Variants in DHX16 observed in about 807,000 individuals in gnomAD.
DHX16 encodes DEAH-box helicase 16, also known as pre-mRNA-splicing factor ATP-dependent RNA helicase DHX16.
Under a neutral mutation model 131.2 loss-of-function variants are expected in DHX16, and 81 were observed. The ratio of observed to expected loss-of-function variants is 0.62; its 90% CI spans 0.52 to 0.74. The LOEUF (loss-of-function observed/expected upper bound fraction) is 0.74. DHX16 is among the 30% of genes least tolerant of loss of function. The probability of loss-of-function intolerance (pLI) is 0.00; values close to 1 mark genes in which losing one functional copy is unlikely to be tolerated. For missense variants in DHX16, 980 were observed against 1,363.1 expected (o/e 0.72, Z 4.43); for synonymous variants, 440 against 520.2 (o/e 0.85, Z 2.10).
rs374715852 is a variant in DHX16 at position 30,657,730 on chromosome 6, T to C, written c.2008-638A>G. 1.4e-4 allele frequency among the ~76,000 whole-genome samples: 21 copies of C among 152,192 alleles called. 3 individuals carry two copies. Among genetic ancestry groups the C allele is most frequent in the East Asian group, 9.7e-4 (5 of 5,174 alleles). ...ATTCCCTCTGTCTGGCATACTCTTC[T>C]CCCAGATATCAGCCTGGCTCCCTCC... On this transcript the variant is annotated intron_variant, in intron 12 of 19. Coordinates refer to ENST00000376442, the MANE Select transcript of DHX16 (RefSeq NM_003587.5).
At position 30,672,808 on chromosome 6, in the gene DHX16, G is replaced by C; in HGVS notation, c.34C>G (p.Gln12Glu). 1 of 1,612,948 alleles carries C rather than the reference G, an allele frequency of 6.2e-7. No individual in the cohort carries two copies. The highest frequency in any genetic ancestry group is 8.5e-7 in the Non-Finnish European group (1 of 1,180,016). ...CCCAACACCGAGTGCAGCTCGTCCT[G>C]AACCCAGCGCTCCAGACCCGCCGGC... is the stretch of plus-strand genomic sequence containing the variant. ...ATPAGLERWV[Q>E]DELHSVLGLS... The change falls in exon 1 of 20, where the codon CAG becomes GAG. Residue 12 changes from glutamine to glutamate, a missense_variant. Coordinates refer to ENST00000376442, the MANE Select transcript of DHX16 (RefSeq NM_003587.5).
At position 30,662,025 on chromosome 6, in the gene DHX16, C is replaced by T. The variant is rs1768564795; in HGVS notation, c.1544+602G>A. The T allele has an allele frequency of 1.6e-6, 1 of 618,566 alleles. No homozygotes were observed. The highest frequency in any genetic ancestry group is 2.9e-6 in the Non-Finnish European group (1 of 339,982). The allele number at this position is 618,566 out of a possible 1,614,324, so 38.3% of individuals were successfully genotyped here. On this transcript the variant is annotated intron_variant, in intron 9 of 19. Coordinates refer to ENST00000376442, the MANE Select transcript of DHX16 (RefSeq NM_003587.5). The surrounding 1 kb of genome is among the most constrained non-coding windows in gnomAD (Gnocchi z 4.7). ...CCCATTACATTCATGAATCCCTTTT[C>T]CCCCTCAACACATGTTCAACCAACC...
intron 19 of DHX16, among the ~76,000 whole-genome samples, chr6:30,653,616 T>TCTTGGCCTCCCAAAGTGCTACGATCCTGC (rs140329547): frequency 6.7e-6 from 1 of 150,258 alleles, no homozygotes; most frequent in Non-Finnish European, 1.5e-5. Context: ...CCTGGGCTGA[T>TCTTGGCCTCCCAAAGTGCTACGATCCTGC]CTTGGCCTCC....
At chr6:30,655,751 C>A (rs1256255361) in intron 16 of DHX16, among the ~76,000 whole-genome samples, 154 bp from the exon 17 acceptor site, 1 of 152,092 alleles carries the variant, frequency 6.6e-6, no homozygotes, top group African/African-American at 2.4e-5. Flanking sequence ...TAGATTCTGG[C>A]AGCAGCTTGG....
Position 30,657,043 on chromosome 6 carries a change from A to G in DHX16, c.2057T>C (p.Ile686Thr). Residue 686 changes from isoleucine to threonine, a missense_variant, in exon 13 of 20, where the codon ATC becomes ACC. Transcript: ENST00000376442. Reference sequence around the variant, plus strand: ...GAACCCTGGATCCAGCACATAAATGATGCCCTCAATGGTGAGTGATGTCTC... The same window carrying G: ...GAACCCTGGATCCAGCACATAAATGGTGCCCTCAATGGTGAGTGATGTCTC... ...IAETSLTIEG[I>T]IYVLDPGFCK... 6.2e-7 allele frequency: 1 copy of G among 1,613,058 alleles called. No individual in the cohort carries two copies. Among genetic ancestry groups the G allele is most frequent in the Non-Finnish European group, 8.5e-7 (1 of 1,180,008 alleles).
rs749523198 is a variant in DHX16 at position 30,672,833 on chromosome 6, C to T, written c.9G>A (p.Thr3=). The change falls in exon 1 of 20, where the codon ACG becomes ACA. Residue 3 remains threonine (T), a synonymous_variant. Coordinates refer to ENST00000376442, the MANE Select transcript of DHX16 (RefSeq NM_003587.5). ...GAACCCAGCGCTCCAGACCCGCCGGCGTCGCCATGGCGACTCACGCTCCCT... is the reference window on the plus strand; with the variant it reads ...GAACCCAGCGCTCCAGACCCGCCGGTGTCGCCATGGCGACTCACGCTCCCT... MA[T]PAGLERWVQD... is the part of the protein sequence containing the mutation. 2 of 1,612,482 alleles carry T rather than the reference C, an allele frequency of 1.2e-6. No individual in the cohort carries two copies. Among genetic ancestry groups the T allele is most frequent in the African/African-American group, 2.7e-5 (2 of 75,066 alleles).
intron 4 of DHX16, among the ~76,000 whole-genome samples, chr6:30,667,506 C>T (rs143911903): frequency 2.0e-5 from 3 of 150,222 alleles, no homozygotes; most frequent in Non-Finnish European, 2.9e-5. Context: ...GGCATGAACC[C>T]GGAAGGCAGA....
chr6:30,661,740 A>G (rs1257637481), intron 9 of DHX16: 1 of 715,672 alleles, frequency 1.4e-6, no homozygotes, highest in African/African-American at 1.8e-5. Context: ...CCTGACCTCA[A>G]CTCTTTGTGC....
Position 30,664,992 on chromosome 6 carries a change from C to T in DHX16, c.1126G>A (p.Glu376Lys), listed in dbSNP as rs760119478. ...GTTGAAGTGGGTGGAGCTGACGGCT[C>T]CTAAGGAAAGAGAAGGAGGTGTGAG... is the stretch of plus-strand genomic sequence containing the variant. ...VRATQLQGDEEPSAPPTSTQA... is the reference protein window; with the variant it reads ...VRATQLQGDEKPSAPPTSTQA... Residue 376 changes from glutamate (E) to lysine (K), a missense_variant and splice_region_variant, in exon 7 of 20, where the codon GAG becomes AAG. Physicochemically the swap from Glu to Lys is moderately conservative, Grantham distance 56. Around this residue, in one of 3 missense-constraint regions of DHX16, gnomAD observed 457 missense variants for 554.8 expected, o/e 0.82. Transcript: ENST00000376442. 1.2e-6 allele frequency: 2 copies of T among 1,613,832 alleles called. No homozygotes were observed. Among genetic ancestry groups the T allele is most frequent in the Admixed American group, 1.7e-5 (1 of 60,000 alleles).
chr6:30,660,447 C>A, intron 9 of DHX16: 1 of 440,284 alleles, frequency 2.3e-6, no homozygotes, highest in Admixed American at 3.9e-5. Context: ...TGATCTGCAA[C>A]CTATCCCAGC....
In DHX16 at chr6:30,662,008, A is replaced by T. The variant is rs543597855; in HGVS notation, c.1544+619T>A. 35 of 629,232 alleles carry T rather than the reference A, an allele frequency of 5.6e-5. No homozygotes were observed. The South Asian group carries it at 6.2e-4, about 11-fold the overall frequency. The allele number at this position is 629,232 out of a possible 1,614,324, so 39.0% of individuals were successfully genotyped here. A position where few individuals can be genotyped will look rare whatever the true frequency, so the allele number is the denominator to read the frequency against. On this transcript the variant is annotated intron_variant, in intron 9 of 19. Transcript: ENST00000376442. The surrounding 1 kb of genome is among the most constrained non-coding windows in gnomAD (Gnocchi z 4.7). ...GCTGGCCTGACCCCACCCCCATTAC[A>T]TTCATGAATCCCTTTTCCCCCTCAA...
chr6:30,670,363 C>T lies in DHX16; in HGVS notation c.666+47G>A. On this transcript the variant is annotated intron_variant, in intron 4 of 19. Transcript: ENST00000376442. This position sits in a 1 kb window ranked among gnomAD's most constrained non-coding sequence, Gnocchi z 4.4. ...CTCCCTATACACTCTATCAGAAAGT[C>T]TTTCCTTTTGTCTTCTGATCTTGGC... is the stretch of plus-strand genomic sequence containing the variant. 1 of 1,557,686 alleles carries T rather than the reference C, an allele frequency of 6.4e-7. No individual in the cohort carries two copies. Among genetic ancestry groups the T allele is most frequent in the Non-Finnish European group, 8.8e-7 (1 of 1,141,014 alleles).
chr6:30,667,957 A>C, intron 4 of DHX16, among the ~76,000 whole-genome samples: 1 of 152,228 alleles, frequency 6.6e-6, no homozygotes, highest in East Asian at 1.9e-4. Context: ...TTAACATCTA[A>C]GACCCAAATG....
intron 1 of DHX16, among the ~76,000 whole-genome samples, chr6:30,671,674 A>C (rs560009679): frequency 1.3e-5 from 2 of 151,678 alleles, no homozygotes; most frequent in Non-Finnish European, 2.9e-5. Flanking sequence ...CCAGCTAACC[A>C]GCATTCATTC....
chr6:30,670,541 C>A lies in DHX16; in HGVS notation c.610-75G>T. On this transcript the variant is annotated intron_variant, in intron 3 of 19. Transcript: ENST00000376442. The surrounding 1 kb of genome is among the most constrained non-coding windows in gnomAD (Gnocchi z 4.4). ...ACTGACAGCTGCTCCCCTCTAGAAT[C>A]ACAAGGATCATTCAGATGCGCCCTA... 1 of 1,490,208 alleles carries A rather than the reference C, an allele frequency of 6.7e-7. No homozygotes were observed. 92.3% of individuals were successfully genotyped at this position (1,490,208 alleles called of 1,614,324 possible).
chr6:30,663,636 G>A (rs555466097), intron 7 of DHX16, among the ~76,000 whole-genome samples: 17 of 148,116 alleles, frequency 1.1e-4, no homozygotes, highest in African/African-American at 1.5e-4. Context: ...CAGGAGAGTC[G>A]CTTGAACCTG....
At chr6:30,661,249 A>C (rs561874653) in intron 9 of DHX16, among the ~76,000 whole-genome samples, 20 of 152,166 alleles carry the variant, frequency 1.3e-4, no homozygotes, top group African/African-American at 4.3e-4. Context: ...CGCCCAGCTA[A>C]TTTTTTATAT....
In DHX16 at chr6:30,664,937, G is replaced by A; in HGVS notation, c.1181C>T (p.Ala394Val). ...GAACACCGGGAGGCTGCGGCGGACG[G>A]CCTGGATGGACTCTTTCTGCTGGGC... ...TQAQQKESIQ[A>V]VRRSLPVFPF... is the part of the protein sequence containing the mutation. The change falls in exon 7 of 20, where the codon GCC becomes GTC. Residue 394 changes from alanine (A) to valine (V), a missense_variant. Around this residue, in one of 3 missense-constraint regions of DHX16, gnomAD observed 457 missense variants for 554.8 expected, o/e 0.82. Transcript: ENST00000376442. The A allele has an allele frequency of 6.2e-7, 1 of 1,613,854 alleles. No homozygotes were observed. The highest frequency in any genetic ancestry group is 8.5e-7 in the Non-Finnish European group (1 of 1,180,022).
rs1443637053 is a variant in DHX16 at position 30,660,021 on chromosome 6, T to C, written c.1755+11A>G. On this transcript the variant is annotated intron_variant, in intron 10 of 19. Coordinates refer to ENST00000376442, the MANE Select transcript of DHX16 (RefSeq NM_003587.5). ...GCCACAGACTTAAGCCCATCCTCCCTGAGGGGGCACCTTGGTGTAGAAGAT... is the reference window on the plus strand; with the variant it reads ...GCCACAGACTTAAGCCCATCCTCCCCGAGGGGGCACCTTGGTGTAGAAGAT... 1 of 1,611,632 alleles carries C rather than the reference T, an allele frequency of 6.2e-7. No individual in the cohort carries two copies. Among genetic ancestry groups the C allele is most frequent in the Non-Finnish European group, 8.5e-7 (1 of 1,179,058 alleles).
Sources: gnomAD v4.1 joint callset for allele counts (sites outside exome capture counted in the v4.1 genomes callset) on GRCh38, gnomAD v4.1.1 for gene constraint, gnomAD v4.1.1 regional missense constraint, Gnocchi (gnomAD v3.1) non-coding constraint, MANE v1.5 for transcripts, NCBI Gene and HGNC (gene_info 2026-07-23, HGNC 2026-07-21) for gene names.